TMEM44: variants seen among roughly 807,000 people sequenced by gnomAD.
TMEM44 encodes the protein transmembrane protein 44.
Under a neutral mutation model 47.8 loss-of-function variants are expected in TMEM44, and 43 were observed. That is an observed-to-expected ratio of 0.90 (90% CI 0.70 to 1.16). The LOEUF is 1.16. Among genes scored for constraint, TMEM44 ranks in the 50% most tolerant of loss-of-function variants. The pLI is 0.00. For synonymous variants in TMEM44, 277 were observed against 238.8 expected (o/e 1.16, Z -1.48); for missense variants, 568 against 555.2 (o/e 1.02, Z -0.23).
chr3:194,602,602 C>CAAAA (rs57532938), intron 9 of TMEM44, among the ~76,000 whole-genome samples: 1 of 143,284 alleles, frequency 7.0e-6, no homozygotes, highest in Non-Finnish European at 1.5e-5. Flanking sequence ...AACTCCTTCT[C>CAAAA]AAAAAAAAAA....
chr3:194,617,342 C>T (rs1258396483), intron 5 of TMEM44, 73 bp from the exon 6 acceptor site: 19 of 1,440,392 alleles, frequency 1.3e-5, no homozygotes, highest in Non-Finnish European at 1.7e-5. Context: ...AGTGGCACAG[C>T]AGGTTGCGGG....
At chr3:194,630,997 C>T (rs1242241359) in intron 1 of TMEM44, among the ~76,000 whole-genome samples, 7 of 122,794 alleles carry the variant, frequency 5.7e-5, no homozygotes, top group Admixed American at 1.8e-4. Flanking sequence ...AAATAATACG[C>T]TGTTGTACCT....
chr3:194,627,051 A>AGCTGGGACT (rs1355600862), intron 2 of TMEM44, among the ~76,000 whole-genome samples: 2 of 151,840 alleles, frequency 1.3e-5, no homozygotes, highest in Non-Finnish European at 2.9e-5. Context: ...CCCGCTGAGT[A>AGCTGGGACT]GCTGGGACTA....
At chr3:194,599,899 AC>A (rs1713878658) in intron 9 of TMEM44, among the ~76,000 whole-genome samples, 2 of 151,758 alleles carry the variant, frequency 1.3e-5, no homozygotes, top group Non-Finnish European at 2.9e-5. Context: ...AGCTGGGATT[AC>A]AGGCATGCGC....
chr3:194,610,985 G>C lies in TMEM44; in HGVS notation c.948C>G (p.His316Gln), dbSNP rs771942495. ...LDWVPLTTLS[H>Q]CKSLRTMTAI... ...CTGTCATTGTCCTCAGTGACTTGCA[G>C]TGTGACAGTGTGGTGAGAGGCACCC... The change falls in exon 8 of 10, where the codon CAC (histidine) becomes CAG (glutamine). Residue 316 changes from histidine (H) to glutamine (Q), a missense_variant. Transcript: ENST00000347147. 16 of 1,614,072 alleles carry C rather than the reference G, an allele frequency of 9.9e-6. No individual in the cohort carries two copies. The highest frequency in any genetic ancestry group is 1.4e-5 in the Non-Finnish European group (16 of 1,180,004).
Position 194,611,699 on chromosome 3 carries a change from C to T in TMEM44, c.913-679G>A, listed in dbSNP as rs894750299. Reference sequence around the variant, plus strand: ...GCTGTGGTTCTCTAACCTTGATGCACATCAGAAGCACCCTGTGGGTTTTGC... The same window carrying T: ...GCTGTGGTTCTCTAACCTTGATGCATATCAGAAGCACCCTGTGGGTTTTGC... On this transcript the variant is annotated intron_variant, in intron 7 of 9. Transcript: ENST00000347147. The surrounding 1 kb of genome is among the most constrained non-coding windows in gnomAD (Gnocchi z 4.2). Among the ~76,000 whole-genome samples the T allele has an allele frequency of 3.3e-5, 5 of 152,188 alleles. No homozygotes were observed. Among genetic ancestry groups the T allele is most frequent in the African/African-American group, 1.2e-4 (5 of 41,526 alleles).
intron 6 of TMEM44, chr3:194,616,709 T>C (rs1715930434): frequency 7.4e-6 from 3 of 405,342 alleles, no homozygotes; most frequent in Non-Finnish European, 1.5e-5. Flanking sequence ...CATCTAAAAA[T>C]ACAAACATTT....
At chr3:194,620,106 C>G (rs187213554) in intron 5 of TMEM44, among the ~76,000 whole-genome samples, 24 of 152,150 alleles carry the variant, frequency 1.6e-4, no homozygotes, top group Non-Finnish European at 2.4e-4. Flanking sequence ...GCCTGGCCAA[C>G]ATGGAGAAAC....
intron 5 of TMEM44, among the ~76,000 whole-genome samples, chr3:194,619,831 C>T (rs532494162): frequency 4.7e-4 from 71 of 152,310 alleles, no homozygotes; most frequent in African/African-American, 1.6e-3. Context: ...GTTTCCTTTC[C>T]TGAGTCCCCA....
In TMEM44 at chr3:194,615,697, T is replaced by C. The variant is rs976467381; in HGVS notation, c.784A>G (p.Ile262Val). 5 of 1,613,634 alleles carry C rather than the reference T, an allele frequency of 3.1e-6. No homozygotes were observed. The African/African-American group carries it at 6.7e-5, about 22-fold the overall frequency. ...TTCATCACACACGAAAGGAAAATAA[T>C]CTGAGATGGTGTAAGTTAAGGTAGG... is the stretch of plus-strand genomic sequence containing the variant. The part of the protein sequence containing the change: ...SLGRAALDLA[I>V]IFLSCVMKSK... Residue 262 changes from isoleucine (I) to valine (V), a missense_variant and splice_region_variant, in exon 7 of 10, where the codon ATT (isoleucine) becomes GTT (valine). Physicochemically the swap from Ile to Val is conservative, Grantham distance 29. Coordinates refer to ENST00000347147, the MANE Select transcript of TMEM44 (RefSeq NM_001011655.3).
chr3:194,621,138 G>C (rs1392517557), intron 5 of TMEM44, among the ~76,000 whole-genome samples: 1 of 151,988 alleles, frequency 6.6e-6, no homozygotes, highest in Non-Finnish European at 1.5e-5. Context: ...TCATTAGGAT[G>C]AGTCCCATTC....
chr3:194,595,516 G>A lies in TMEM44; in HGVS notation c.1177-6877C>T, dbSNP rs566563013. 1.1e-3 allele frequency among the ~76,000 whole-genome samples: 169 copies of A among 152,258 alleles called. 1 individual carries two copies. The highest frequency in any genetic ancestry group is 4.0e-3 in the African/African-American group (167 of 41,542). Reference sequence around the variant, plus strand: ...CCAACTCTTTACTCTTACCTTTGGGGAGAAGTGACATCTCCACAGTCTTGG... The same window carrying A: ...CCAACTCTTTACTCTTACCTTTGGGAAGAAGTGACATCTCCACAGTCTTGG... On this transcript the variant is annotated intron_variant, in intron 9 of 9. Coordinates refer to ENST00000347147, the MANE Select transcript of TMEM44 (RefSeq NM_001011655.3).
intron 1 of TMEM44, among the ~76,000 whole-genome samples, chr3:194,630,159 G>A (rs1467655293): frequency 2.2e-5 from 2 of 92,538 alleles, no homozygotes; most frequent in Non-Finnish European, 4.2e-5. Flanking sequence ...CCTGCTTCCC[G>A]AAGGGGCTGG....
intron 1 of TMEM44, 100 bp downstream of exon 1, chr3:194,632,979 T>A: frequency 6.8e-7 from 1 of 1,465,590 alleles, no homozygotes; most frequent in African/African-American, 1.4e-5. Flanking sequence ...ATCTCCTTCA[T>A]CCCCCTTTCC....
At chr3:194,614,878 G>A (rs748945911) in intron 7 of TMEM44, among the ~76,000 whole-genome samples, 8 of 152,106 alleles carry the variant, frequency 5.3e-5, no homozygotes, top group East Asian at 1.9e-4. Flanking sequence ...GTATAATTGC[G>A]AAACCGGAGG....
chr3:194,614,657 T>C (rs1165452919), intron 7 of TMEM44, among the ~76,000 whole-genome samples: 2 of 152,186 alleles, frequency 1.3e-5, no homozygotes, highest in African/African-American at 4.8e-5. Flanking sequence ...TCTGCCTGCC[T>C]TGGCCACCCA....
intron 9 of TMEM44, among the ~76,000 whole-genome samples, chr3:194,590,932 G>A (rs549904020): frequency 5.3e-5 from 8 of 152,298 alleles, no homozygotes; most frequent in South Asian, 4.1e-4. Context: ...GGGGACTCAC[G>A]CCTGTAATCT....
At chr3:194,594,858 T>C (rs1239584361) in intron 9 of TMEM44, among the ~76,000 whole-genome samples, 1 of 152,242 alleles carries the variant, frequency 6.6e-6, no homozygotes, top group Non-Finnish European at 1.5e-5. Context: ...TTCAGCGTTA[T>C]GGGCAATCTA....
At chr3:194,597,103 T>A (rs147065804) in intron 9 of TMEM44, 14 of 152,590 alleles carry the variant, frequency 9.2e-5, no homozygotes, top group Non-Finnish European at 1.5e-4. Context: ...CACACCCACA[T>A]GCACACGCAC....
Sources: allele counts gnomAD v4.1 joint callset (sites outside exome capture counted in the v4.1 genomes callset), GRCh38; gene constraint gnomAD v4.1.1; non-coding constraint Gnocchi (gnomAD v3.1); transcripts MANE v1.5; gene names NCBI Gene and HGNC (gene_info 2026-07-23, HGNC 2026-07-21).